The following NCKAP1 variants were observed in gnomAD, a reference collection of about 807,000 sequenced individuals.
NCKAP1 encodes NCK associated protein 1, also known as nck-associated protein 1.
Under a neutral mutation model 151.2 loss-of-function variants are expected in NCKAP1, and 21 were observed. The observed-to-expected ratio is 0.14, with a 90% CI of 0.10 to 0.20. The LOEUF (loss-of-function observed/expected upper bound fraction) is 0.20, where lower values mean the gene tolerates loss of function less well. Ranked by LOEUF, NCKAP1 falls within the 10% of genes least tolerant of loss-of-function variation. The pLI is 1.00. For synonymous variants in NCKAP1, 484 were observed against 451.8 expected (o/e 1.07, Z -0.90); for missense variants, 933 against 1,352.1 (o/e 0.69, Z 4.86).
At position 182,912,864 on chromosome 2, in the gene NCKAP1, G is replaced by GGAAGGAAA. The variant is rs1696417093; in HGVS notation, c.*12837_*12838insTTTCCTTC. The GGAAGGAAA allele has an allele frequency of 1.3e-5, 2 of 151,936 alleles. No homozygotes were observed. Among genetic ancestry groups the GGAAGGAAA allele is most frequent in the African/African-American group, 4.8e-5 (2 of 41,364 alleles). 9.4% of individuals were successfully genotyped at this position (151,936 alleles called of 1,614,324 possible). A position where few individuals can be genotyped will look rare whatever the true frequency, so the allele number is the denominator to read the frequency against. On this transcript the variant is annotated 3_prime_UTR_variant, in exon 31 of 31. Transcript: ENST00000361354. ...ATAGAGGAAGAAAGGAAGGAAGGAA[G>GGAAGGAAA]GAAGGAAGGAAGGAAGGAAGGAAAG... is the stretch of plus-strand genomic sequence containing the variant.
At chr2:182,927,920 C>CA (rs1467585811) in intron 29 of NCKAP1, among the ~76,000 whole-genome samples, 197 bp downstream of exon 29, 1 of 151,194 alleles carries the variant, frequency 6.6e-6, no homozygotes, top group African/African-American at 2.4e-5. Context: ...TTTCTCCCTC[C>CA]AAAAAAGAAA....
At chr2:183,001,856 G>T in intron 6 of NCKAP1, 97 bp downstream of exon 6, 1 of 993,678 alleles carries the variant, frequency 1.0e-6, no homozygotes, top group Non-Finnish European at 1.5e-6. Flanking sequence ...TCCCATTATA[G>T]TATTTTTCAA....
At chr2:182,973,836 C>T (rs1334764228) in intron 15 of NCKAP1, among the ~76,000 whole-genome samples, 1 of 152,144 alleles carries the variant, frequency 6.6e-6, no homozygotes, top group Non-Finnish European at 1.5e-5. Flanking sequence ...TTTGTCCTTT[C>T]CTTTTTCCTA....
intron 2 of NCKAP1, among the ~76,000 whole-genome samples, chr2:183,017,789 G>T (rs959205697): frequency 7.2e-5 from 11 of 152,030 alleles, no homozygotes; most frequent in African/African-American, 2.4e-4. Flanking sequence ...ACATTTAAAG[G>T]GTACCCAGAA....
intron 2 of NCKAP1, among the ~76,000 whole-genome samples, chr2:183,014,343 C>T (rs1021893455): frequency 1.3e-5 from 2 of 152,056 alleles, no homozygotes; most frequent in Non-Finnish European, 2.9e-5. Context: ...GAAAGACAAG[C>T]TAGCCTAGTG....
At position 182,917,945 on chromosome 2, in the gene NCKAP1, T is replaced by C. The variant is rs1367535506; in HGVS notation, c.*7757A>G. On this transcript the variant is annotated 3_prime_UTR_variant, in exon 31 of 31. Transcript: ENST00000361354. ...ACCCATGAAGGCCAGAAAGTGGGCA[T>C]AGTGTCCCCAAGCCCACAGTCATTT... The C allele has an allele frequency of 1.3e-5, 2 of 152,088 alleles. No homozygotes were observed. The highest frequency in any genetic ancestry group is 4.8e-5 in the African/African-American group (2 of 41,396). 9.4% of individuals were successfully genotyped at this position (152,088 alleles called of 1,614,324 possible). A position where few individuals can be genotyped will look rare whatever the true frequency, so the allele number is the denominator to read the frequency against.
intron 21 of NCKAP1, 55 bp downstream of exon 21, chr2:182,953,058 T>G (rs1420793435): frequency 2.0e-6 from 3 of 1,517,342 alleles, no homozygotes; most frequent in Non-Finnish European, 2.7e-6. Flanking sequence ...TTAATTTTCC[T>G]AAGTACTTCA....
At chr2:182,984,802 T>C (rs978485090) in intron 10 of NCKAP1, among the ~76,000 whole-genome samples, 1 of 152,198 alleles carries the variant, frequency 6.6e-6, no homozygotes, top group Non-Finnish European at 1.5e-5. Context: ...GAGTCTGTGA[T>C]GGTTATTGGG....
chr2:182,946,395 T>C (rs1269828442), intron 23 of NCKAP1, among the ~76,000 whole-genome samples: 1 of 149,532 alleles, frequency 6.7e-6, no homozygotes. Context: ...AGCGAGACTC[T>C]GTTTACAAAA....
In NCKAP1 at chr2:182,956,468, A is replaced by G. The variant is rs1697330113; in HGVS notation, c.2147T>C (p.Phe716Ser). 2 of 1,609,664 alleles carry G rather than the reference A, an allele frequency of 1.2e-6. No individual in the cohort carries two copies. Among genetic ancestry groups the G allele is most frequent in the Non-Finnish European group, 1.7e-6 (2 of 1,178,432 alleles). The change falls in exon 20 of 31, where the codon TTT (phenylalanine) becomes TCT (serine). Residue 716 changes from phenylalanine to serine, a missense_variant. This residue lies in a region of NCKAP1 where 326 missense variants were observed against 557.1 expected (regional missense o/e 0.59). Transcript: ENST00000361354. ...EYLTSHLEIR[F>S]TKSIVGMTMY... Reference sequence around the variant, plus strand: ...AGTCAATATTCTTTCTTACTTGGTAAAGCGTATTTCCAGATGAGAAGTCAA... The same window carrying G: ...AGTCAATATTCTTTCTTACTTGGTAGAGCGTATTTCCAGATGAGAAGTCAA...
At chr2:182,956,425 G>A (rs1697329348) in intron 20 of NCKAP1, 37 bp downstream of exon 20, 3 of 1,586,886 alleles carry the variant, frequency 1.9e-6, no homozygotes, top group East Asian at 4.5e-5. Flanking sequence ...ACTCATTACT[G>A]AGTCAACAAA....
intron 2 of NCKAP1, among the ~76,000 whole-genome samples, chr2:183,015,878 T>TAA (rs1309333245): frequency 1.6e-5 from 2 of 127,488 alleles, no homozygotes; most frequent in Admixed American, 7.7e-5. Context: ...GGTGAGGATA[T>TAA]AAAAAAAAAA....
intron 18 of NCKAP1, among the ~76,000 whole-genome samples, chr2:182,958,977 G>T (rs1227330264): frequency 6.6e-6 from 1 of 151,918 alleles, no homozygotes. Flanking sequence ...AACATTTTGG[G>T]GTATATAGGG....
intron 1 of NCKAP1, among the ~76,000 whole-genome samples, chr2:183,027,992 TTA>T (rs1388907537): frequency 1.3e-5 from 2 of 152,142 alleles, no homozygotes; most frequent in Admixed American, 1.3e-4. Flanking sequence ...ACAATTAAAC[TTA>T]GTTATCAAAA....
At position 182,915,287 on chromosome 2, in the gene NCKAP1, C is replaced by T; in HGVS notation, c.*10415G>A. On this transcript the variant is annotated 3_prime_UTR_variant, in exon 31 of 31. Transcript: ENST00000361354. The stretch of plus-strand genomic sequence containing the variant: ...TCTGTATAGAATGCAAATGTTCAGA[C>T]TTTGCTTTTCAAAAACGTTGTATGG... The T allele has an allele frequency of 6.6e-6, 1 of 152,066 alleles. No individual in the cohort carries two copies. The highest frequency in any genetic ancestry group is 1.9e-4 in the East Asian group (1 of 5,196). 9.4% of individuals were successfully genotyped at this position (152,066 alleles called of 1,614,324 possible).
In NCKAP1 at chr2:182,916,985, GA is replaced by G. The variant is rs926250539; in HGVS notation, c.*8716del. ...ATATTATAATACTCATAAAAGCCAT[GA>G]AAAAACTCTTTGAAGGCAATTTTAT... On this transcript the variant is annotated 3_prime_UTR_variant, in exon 31 of 31. Transcript: ENST00000361354. 6.6e-6 allele frequency: 1 copy of G among 152,124 alleles called. No homozygotes were observed. The highest frequency in any genetic ancestry group is 1.5e-5 in the Non-Finnish European group (1 of 68,016). 9.4% of individuals were successfully genotyped at this position (152,124 alleles called of 1,614,324 possible).
intron 10 of NCKAP1, among the ~76,000 whole-genome samples, chr2:182,985,796 G>C: frequency 7.3e-6 from 1 of 136,198 alleles, no homozygotes; most frequent in African/African-American, 2.7e-5. Context: ...GAGTGAGACT[G>C]TCTCAAAAAA....
chr2:182,928,639 T>A (rs1240407130), intron 28 of NCKAP1, 144 bp downstream of exon 28: 3 of 557,866 alleles, frequency 5.4e-6, no homozygotes, highest in Non-Finnish European at 9.6e-6. Flanking sequence ...ATTTCATATA[T>A]CAGGAAACTG....
At chr2:182,956,803 A>G in intron 19 of NCKAP1, 1 of 473,096 alleles carries the variant, frequency 2.1e-6, no homozygotes, top group Non-Finnish European at 3.6e-6. Flanking sequence ...TTCTACCTTT[A>G]GGTAGTAATG....
Sources: allele counts gnomAD v4.1 joint callset (sites outside exome capture counted in the v4.1 genomes callset), GRCh38; gene constraint gnomAD v4.1.1; regional missense constraint gnomAD v4.1.1; transcripts MANE v1.5; gene names NCBI Gene and HGNC (gene_info 2026-07-23, HGNC 2026-07-21).